BBS4: variants seen among roughly 807,000 people sequenced by gnomAD.
BBS4 encodes the protein BBSome complex member BBS4.
A neutral mutation model predicts 71.4 loss-of-function variants in BBS4; 58 were observed. The observed-to-expected ratio is 0.81, with a 90% confidence interval of 0.66 to 1.01. The LOEUF is 1.01. Among genes scored for constraint, BBS4 ranks in the 50% least tolerant of loss-of-function variants. BBS4 has a pLI of 0.00. For synonymous variants in BBS4, 228 were observed against 216.8 expected (o/e 1.05, Z -0.46); for missense variants, 660 against 607.9 (o/e 1.09, Z -0.90).
At chr15:72,712,351 T>C (rs1567412917) in intron 4 of BBS4, 44 bp downstream of exon 4, 9 of 1,571,874 alleles carry the variant, frequency 5.7e-6, no homozygotes, top group Non-Finnish European at 7.9e-6. Flanking sequence ...AAATACACTT[T>C]TCCTAGGTTC....
At chr15:72,737,262 T>TATCA (rs1234233599) in intron 15 of BBS4, among the ~76,000 whole-genome samples, 1 of 152,224 alleles carries the variant, frequency 6.6e-6, no homozygotes, top group Non-Finnish European at 1.5e-5. Context: ...TTTACTGCTT[T>TATCA]ATCAGAAGTT....
intron 6 of BBS4, 51 bp from the exon 7 acceptor site, chr15:72,722,743 C>G: frequency 6.6e-7 from 1 of 1,525,908 alleles, no homozygotes; most frequent in Non-Finnish European, 9.1e-7. Context: ...CACTCTAATA[C>G]TTACTGTGGA....
intron 15 of BBS4, 101 bp downstream of exon 15, chr15:72,737,064 T>A: frequency 7.2e-7 from 1 of 1,389,724 alleles, no homozygotes; most frequent in Non-Finnish European, 1.0e-6. Flanking sequence ...CAGACTCATA[T>A]GTCCAACGTA....
chr15:72,704,243 C>CTGACCTCTGTGGTAACA (rs1369534478), intron 2 of BBS4, among the ~76,000 whole-genome samples: 1 of 152,152 alleles, frequency 6.6e-6, no homozygotes, highest in African/African-American at 2.4e-5. Flanking sequence ...AGCTGGCTAC[C>CTGACCTCTGTGGTAACA]TGACCTCTGT....
intron 6 of BBS4, among the ~76,000 whole-genome samples, chr15:72,720,767 G>C (rs184626552): frequency 6.6e-6 from 1 of 152,308 alleles, no homozygotes; most frequent in East Asian, 1.9e-4. Context: ...TCTTAAGACT[G>C]TGATCTTTTC....
At chr15:72,735,001 T>G in intron 12 of BBS4, 112 bp from the exon 13 acceptor site, 1 of 765,580 alleles carries the variant, frequency 1.3e-6, no homozygotes. Context: ...GCTGACTTAG[T>G]AAACTCTGGT....
intron 14 of BBS4, 52 bp downstream of exon 14, chr15:72,736,018 T>C (rs775563293): frequency 1.2e-6 from 2 of 1,609,108 alleles, no homozygotes; most frequent in Admixed American, 1.7e-5. Flanking sequence ...CAGGAGACTT[T>C]TAAAAATCAA....
intron 8 of BBS4, among the ~76,000 whole-genome samples, chr15:72,725,727 C>T (rs2065662137): frequency 9.0e-6 from 1 of 111,050 alleles, no homozygotes; most frequent in South Asian, 4.4e-4. Flanking sequence ...TCCCTTCCCC[C>T]TTTTCTCTTC....
At chr15:72,731,827 C>T (rs2065831763) in intron 12 of BBS4, 101 bp downstream of exon 12, 9 of 1,382,242 alleles carry the variant, frequency 6.5e-6, no homozygotes, top group Non-Finnish European at 8.1e-6. Flanking sequence ...GGAGCCATTC[C>T]CTTAGAGATC....
rs111226633 is a variant in BBS4, at chr15:72,704,474, A to G, written c.77-5226A>G. ...GGAATACCAGAAATTCAACTTATAT[A>G]TTTACAGGTAAAATTCTAATTGTAA... On this transcript the variant is annotated intron_variant, in intron 2 of 15. Transcript: ENST00000268057. 7,690 of 1,283,992 alleles carry G rather than the reference A, an allele frequency of 6.0e-3. 38 individuals carry two copies. Among genetic ancestry groups the G allele is most frequent in the Non-Finnish European group, 7.0e-3 (6,868 of 984,010 alleles). The allele number at this position is 1,283,992 out of a possible 1,614,324, so 79.5% of individuals were successfully genotyped here.
intron 13 of BBS4, 98 bp from the exon 14 acceptor site, chr15:72,735,727 C>T: frequency 6.8e-7 from 1 of 1,481,422 alleles, no homozygotes; most frequent in South Asian, 1.1e-5. Context: ...GAAATCTCTA[C>T]TTAACCAGTT....
intron 1 of BBS4, among the ~76,000 whole-genome samples, chr15:72,692,603 A>G (rs1188717269): frequency 1.3e-5 from 2 of 149,054 alleles, no homozygotes; most frequent in African/African-American, 5.0e-5. Flanking sequence ...GTGAGCCACC[A>G]CACCTGGCTG....
At position 72,737,912 on chromosome 15, in the gene BBS4, T is replaced by C; in HGVS notation, c.*325T>C. ...CTGTCTGCTTTCAAAAGGACTTTTC[T>C]CTCCTAGCTGACTGACTCCTTCCTT... On this transcript the variant is annotated 3_prime_UTR_variant, in exon 16 of 16. Coordinates refer to ENST00000268057, the MANE Select transcript of BBS4 (RefSeq NM_033028.5). 1 of 458,818 alleles carries C rather than the reference T, an allele frequency of 2.2e-6. No individual in the cohort carries two copies. Among genetic ancestry groups the C allele is most frequent in the African/African-American group, 2.0e-5 (1 of 50,358 alleles). 28.4% of individuals were successfully genotyped at this position (458,818 alleles called of 1,614,324 possible). A position where few individuals can be genotyped will look rare whatever the true frequency, so the allele number is the denominator to read the frequency against.
At chr15:72,694,390 C>T (rs2065039801) in intron 1 of BBS4, among the ~76,000 whole-genome samples, 1 of 152,076 alleles carries the variant, frequency 6.6e-6, no homozygotes, top group Non-Finnish European at 1.5e-5. Flanking sequence ...GGGGTTTCAC[C>T]ATGTTGTCCA....
At chr15:72,711,355 G>C (rs1317105370) in intron 3 of BBS4, among the ~76,000 whole-genome samples, 2 of 151,188 alleles carry the variant, frequency 1.3e-5, no homozygotes, top group African/African-American at 2.4e-5. Flanking sequence ...TTCCATGTTG[G>C]TCAGGCTGGT....
rs1267708433 is a variant in BBS4, at chr15:72,731,356, GCC to G, written c.765_766del (p.Leu256HisfsTer19). 6.2e-7 allele frequency: 1 copy of G among 1,614,106 alleles called. No individual in the cohort carries two copies. Among genetic ancestry groups the G allele is most frequent in the South Asian group, 1.1e-5 (1 of 91,074 alleles). ...MMQTHGDFDV[A>X]LTKYRVVACA... Reference sequence around the variant, plus strand: ...GCAGACCCACGGGGACTTTGATGTTGCCCTCACCAAATACAGAGTTGTGGCTT... The same window carrying G: ...GCAGACCCACGGGGACTTTGATGTTGCTCACCAAATACAGAGTTGTGGCTT... On this transcript the variant is annotated frameshift_variant, in exon 11 of 16. Transcript: ENST00000268057. LOFTEE classifies it high-confidence loss of function.
At position 72,686,250 on chromosome 15, in the gene BBS4, C is replaced by T. The variant is rs769894375; in HGVS notation, c.23C>T (p.Thr8Met). The T allele has an allele frequency of 1.0e-5, 16 of 1,564,998 alleles. No individual in the cohort carries two copies. In the South Asian group the frequency reaches 1.1e-4, roughly 10 times the overall value. ...AAAATGGCTGAGGAGAGAGTCGCGA[C>T]GGTGAGCGCCGAGATTCTCTTTAGT... MAEERVA[T>M]RTQFPVSTES... Residue 8 changes from threonine (T) to methionine (M), a missense_variant and splice_region_variant, in exon 1 of 16, where the codon ACG becomes ATG. By Grantham distance (81) the Thr-to-Met change is moderately conservative. Transcript: ENST00000268057.
chr15:72,690,745 A>G (rs2064969387), intron 1 of BBS4, among the ~76,000 whole-genome samples: 2 of 152,164 alleles, frequency 1.3e-5, no homozygotes, highest in Admixed American at 1.3e-4. Context: ...TTGCTGGGTT[A>G]TATTGTTTAA....
intron 8 of BBS4, among the ~76,000 whole-genome samples, chr15:72,727,663 C>A (rs2065728432): frequency 6.6e-6 from 1 of 152,224 alleles, no homozygotes; most frequent in South Asian, 2.1e-4. Flanking sequence ...CCAAGACAGT[C>A]ATGCAAAACA....
Sources: gnomAD v4.1 joint callset for allele counts (sites outside exome capture counted in the v4.1 genomes callset) on GRCh38, gnomAD v4.1.1 for gene constraint, MANE v1.5 for transcripts, NCBI Gene and HGNC (gene_info 2026-07-23, HGNC 2026-07-21) for gene names.